TBL1X: variants seen among roughly 807,000 people sequenced by gnomAD.
The protein encoded by TBL1X is F-box-like/WD repeat-containing protein TBL1X.
In TBL1X, 10 loss-of-function variants were observed where a neutral mutation model predicts 50.7. That is an observed-to-expected ratio of 0.20 (90% CI 0.12 to 0.33). The LOEUF is 0.33. TBL1X is among the 10% of genes least tolerant of loss of function. The pLI is 1.00. For synonymous variants in TBL1X, 190 were observed against 214.7 expected (o/e 0.88, Z 1.01); for missense variants, 340 against 504.4 (o/e 0.67, Z 3.12).
rs184177914 is a variant in TBL1X, at chrX:9,621,220, C to A, written c.-130-19053C>A. ...GGGCTGGAGACATCTGGGATGTAGA[C>A]CTGGAGACTAGATTCGTTCACTGGA... is the stretch of plus-strand genomic sequence containing the variant. On this transcript the variant is annotated intron_variant, in intron 2 of 17. Coordinates refer to ENST00000645353, the MANE Select transcript of TBL1X (RefSeq NM_005647.4). 4.5e-5 allele frequency among the ~76,000 whole-genome samples: 5 copies of A among 111,381 alleles called. No individual in the cohort carries two copies. In the South Asian group the frequency reaches 1.5e-3, roughly 34 times the overall value.
rs779915430 is a variant in TBL1X, at chrX:9,492,202, T to A, written c.-200-9578T>A. On this transcript the variant is annotated intron_variant, in intron 1 of 17. Transcript: ENST00000645353. Reference sequence around the variant, plus strand: ...CTGGCTCCCCATGTGGGAAGGACGCTTAGTGGTTTGTGGGATGCAGGGAGA... The same window carrying A: ...CTGGCTCCCCATGTGGGAAGGACGCATAGTGGTTTGTGGGATGCAGGGAGA... 4.5e-5 allele frequency among the ~76,000 whole-genome samples: 5 copies of A among 111,809 alleles called. No individual in the cohort carries two copies. In the Admixed American group the frequency reaches 4.8e-4, roughly 11 times the overall value.
chrX:9,483,487 C>T (rs952538935), intron 1 of TBL1X, among the ~76,000 whole-genome samples: 3 of 111,829 alleles, frequency 2.7e-5, no homozygotes, highest in Non-Finnish European at 5.6e-5. Context: ...CTGGTGGTCA[C>T]GTTCATCCGT....
At chrX:9,574,459 GA>G (rs376384853) in intron 2 of TBL1X, among the ~76,000 whole-genome samples, 4,350 of 30,064 alleles carry the variant, frequency 0.14, 96 homozygotes, top group African/African-American at 0.18. Flanking sequence ...TGTCTCAAAT[GA>G]AAAAAAAAAA....
chrX:9,574,734 A>G (rs780073718), intron 2 of TBL1X, among the ~76,000 whole-genome samples: 7 of 111,348 alleles, frequency 6.3e-5, no homozygotes, highest in Non-Finnish European at 1.1e-4. Flanking sequence ...CTGCTTCCCC[A>G]GGGTGGAACT....
chrX:9,704,481 G>A (rs2083194693), intron 12 of TBL1X, among the ~76,000 whole-genome samples: 1 of 111,708 alleles, frequency 9.0e-6, no homozygotes, highest in Non-Finnish European at 1.9e-5. Context: ...GTGTCACGGA[G>A]CCTCTCTCCC....
rs374398865 is a variant in TBL1X at position 9,716,659 on chromosome X, AT to A, written c.*425del. 35,202 of 109,804 alleles carry A rather than the reference AT, an allele frequency of 0.32. 4,343 individuals carry two copies. The highest frequency in any genetic ancestry group is 0.44 in the African/African-American group (12,685 of 28,746). 9.0% of individuals were successfully genotyped at this position (109,804 alleles called of 1,213,427 possible). A position where few individuals can be genotyped will look rare whatever the true frequency, so the allele number is the denominator to read the frequency against. ...AGGGGGAAAAACCCTCCTCCTTGGG[AT>A]TTTTTTTTTTTGTTTTCCCTAACAA... On this transcript the variant is annotated 3_prime_UTR_variant, in exon 18 of 18. Transcript: ENST00000645353.
At chrX:9,552,553 G>C (rs746515455) in intron 2 of TBL1X, among the ~76,000 whole-genome samples, 1 of 111,451 alleles carries the variant, frequency 9.0e-6, no homozygotes, top group South Asian at 3.8e-4. Flanking sequence ...GACCTTGTGA[G>C]TACAGAGTCC....
At chrX:9,677,224 A>G (rs1444288464) in intron 5 of TBL1X, among the ~76,000 whole-genome samples, 2 of 111,514 alleles carry the variant, frequency 1.8e-5, no homozygotes, top group Non-Finnish European at 3.8e-5. Context: ...AGAAACCTTT[A>G]TGATCCAGGA....
chrX:9,529,619 A>C (rs937473101), intron 2 of TBL1X, among the ~76,000 whole-genome samples: 1 of 110,420 alleles, frequency 9.1e-6, no homozygotes, highest in African/African-American at 3.3e-5. Context: ...ATGGGGGGTC[A>C]TGAGGCTCAG....
At chrX:9,528,903 G>C (rs959036801) in intron 2 of TBL1X, among the ~76,000 whole-genome samples, 3 of 110,950 alleles carry the variant, frequency 2.7e-5, no homozygotes, top group East Asian at 5.7e-4. Flanking sequence ...AGCTGGAGAT[G>C]GGGGGAAGCC....
At chrX:9,665,540 A>ATATATATAT (rs1569091686) in intron 5 of TBL1X, among the ~76,000 whole-genome samples, 7 of 32,947 alleles carry the variant, frequency 2.1e-4, no homozygotes, top group African/African-American at 7.9e-4. Flanking sequence ...TATATATATA[A>ATATATATAT]AAGGCCTTGG....
At chrX:9,675,829 T>C (rs992728941) in intron 5 of TBL1X, among the ~76,000 whole-genome samples, 8 of 105,688 alleles carry the variant, frequency 7.6e-5, no homozygotes, top group Non-Finnish European at 1.5e-4. Context: ...AGGCGGAGGT[T>C]GCAGTGAGCC....
In TBL1X at chrX:9,527,403, A is replaced by G. The variant is rs1470061008; in HGVS notation, c.-131+25554A>G. The stretch of plus-strand genomic sequence containing the variant: ...ACGACCTTTTTTTAAGTGATTCACC[A>G]TAATCTCTCTAGGCCGTATTTAGGC... On this transcript the variant is annotated intron_variant, in intron 2 of 17. Transcript: ENST00000645353. Among the ~76,000 whole-genome samples, 8 of 111,387 alleles carry G rather than the reference A, an allele frequency of 7.2e-5. No homozygotes were observed. In the East Asian group the frequency reaches 1.7e-3, roughly 24 times the overall value.
At chrX:9,715,047 C>T (rs764949851) in intron 17 of TBL1X, 44 bp downstream of exon 17, 1 of 1,121,317 alleles carries the variant, frequency 8.9e-7, no homozygotes. Context: ...GTGTTGGGGG[C>T]AGCTGATGCC....
At chrX:9,547,610 G>A (rs755808107) in intron 2 of TBL1X, among the ~76,000 whole-genome samples, 1 of 111,216 alleles carries the variant, frequency 9.0e-6, no homozygotes, top group South Asian at 3.8e-4. Flanking sequence ...ATGAACCACT[G>A]CGCCTAGCCT....
chrX:9,591,336 G>A (rs775691117), intron 2 of TBL1X, among the ~76,000 whole-genome samples: 2 of 112,038 alleles, frequency 1.8e-5, no homozygotes, highest in Non-Finnish European at 3.8e-5. Flanking sequence ...AGATGAGAGC[G>A]TTCACTTGCA....
chrX:9,464,320 C>A (rs1192646704), upstream of TBL1X, among the ~76,000 whole-genome samples: 1 of 111,513 alleles, frequency 9.0e-6, no homozygotes, highest in African/African-American at 3.3e-5. Context: ...CCCAGGTCCC[C>A]CCAACCTCCT....
intron 1 of TBL1X, among the ~76,000 whole-genome samples, chrX:9,481,066 C>G (rs1394592658): frequency 9.0e-6 from 1 of 111,265 alleles, no homozygotes; most frequent in Admixed American, 9.6e-5. Flanking sequence ...TGTTCTGAAA[C>G]TTTTGTCATC....
At position 9,692,098 on chromosome X, in the gene TBL1X, G is replaced by T; in HGVS notation, c.750-15G>T. 8.3e-7 allele frequency: 1 copy of T among 1,211,727 alleles called. No homozygotes were observed. Among genetic ancestry groups the T allele is most frequent in the Non-Finnish European group, 1.1e-6 (1 of 895,528 alleles). On this transcript the variant is annotated splice_polypyrimidine_tract_variant and intron_variant, in intron 8 of 17. Coordinates refer to ENST00000645353, the MANE Select transcript of TBL1X (RefSeq NM_005647.4). Reference sequence around the variant, plus strand: ...TGAACCAAACACCAGAGGCTCCTGTGTTTTTATTCTGTAGATCTGGAGACT... The same window carrying T: ...TGAACCAAACACCAGAGGCTCCTGTTTTTTTATTCTGTAGATCTGGAGACT...
Sources: gnomAD v4.1 joint callset for allele counts (sites outside exome capture counted in the v4.1 genomes callset) on GRCh38, gnomAD v4.1.1 for gene constraint, MANE v1.5 for transcripts, NCBI Gene and HGNC (gene_info 2026-07-23, HGNC 2026-07-21) for gene names.